Variants in CNTLN observed in about 807,000 individuals in gnomAD.
CNTLN encodes centlein, centrosomal protein.
Under a neutral mutation model 180.0 loss-of-function variants are expected in CNTLN, and 212 were observed. The ratio of observed to expected loss-of-function variants is 1.18; its 90% confidence interval spans 1.05 to 1.32. CNTLN has a LOEUF of 1.32. CNTLN is among the 40% of genes most tolerant of loss of function. The probability of loss-of-function intolerance (pLI) is 0.00; values close to 1 mark genes in which losing one functional copy is unlikely to be tolerated. For missense variants in CNTLN, 2,095 were observed against 1,610.9 expected (o/e 1.30, Z -5.14); for synonymous variants, 722 against 563.1 (o/e 1.28, Z -3.99).
At chr9:17,257,324 G>A (rs1421021517) in intron 5 of CNTLN, among the ~76,000 whole-genome samples, 1 of 152,126 alleles carries the variant, frequency 6.6e-6, no homozygotes, top group Non-Finnish European at 1.5e-5. Context: ...TTTTAAGGCT[G>A]CATAGTATTC....
Position 17,330,819 on chromosome 9 carries a change from T to G in CNTLN, c.1518+11T>G. On this transcript the variant is annotated intron_variant, in intron 9 of 25. Coordinates refer to ENST00000380647, the MANE Select transcript of CNTLN (RefSeq NM_017738.4). ...GAAGGAAAACATAAGGTAGGGACAT[T>G]TTGTCATTTTGTGAATTTGCCAGGA... 6.3e-7 allele frequency: 1 copy of G among 1,586,930 alleles called. No homozygotes were observed. Among genetic ancestry groups the G allele is most frequent in the Non-Finnish European group, 8.5e-7 (1 of 1,169,964 alleles).
chr9:17,321,876 C>T (rs1563992530), intron 8 of CNTLN, among the ~76,000 whole-genome samples: 1 of 151,966 alleles, frequency 6.6e-6, no homozygotes, highest in South Asian at 2.1e-4. Flanking sequence ...GAATATCAAT[C>T]TTATACTTTC....
At chr9:17,385,713 A>G (rs922206756) in intron 13 of CNTLN, among the ~76,000 whole-genome samples, 4 of 152,200 alleles carry the variant, frequency 2.6e-5, no homozygotes, top group Admixed American at 2.0e-4. Flanking sequence ...TTATCTTGTT[A>G]TTCCCTAAAC....
intron 12 of CNTLN, among the ~76,000 whole-genome samples, chr9:17,354,494 A>G (rs973633635): frequency 1.3e-5 from 2 of 152,100 alleles, no homozygotes; most frequent in African/African-American, 4.8e-5. Context: ...AGGTTTGTAA[A>G]CACACCACTC....
chr9:17,204,142 C>A (rs1044636401), intron 2 of CNTLN, among the ~76,000 whole-genome samples: 2 of 152,198 alleles, frequency 1.3e-5, no homozygotes, highest in African/African-American at 4.8e-5. Context: ...CTATTACCCA[C>A]CTTCTGAAGC....
At chr9:17,244,367 A>G (rs1243279313) in intron 5 of CNTLN, among the ~76,000 whole-genome samples, 1 of 151,744 alleles carries the variant, frequency 6.6e-6, no homozygotes, top group Non-Finnish European at 1.5e-5. Context: ...ATATACCACT[A>G]TATCTGGCTA....
chr9:17,370,218 C>T (rs1336639689), intron 13 of CNTLN, among the ~76,000 whole-genome samples: 1 of 152,050 alleles, frequency 6.6e-6, no homozygotes, highest in East Asian at 1.9e-4. Flanking sequence ...TTGTAGAACA[C>T]CAAGCAGGTT....
chr9:17,209,880 T>G (rs7862706), intron 2 of CNTLN, among the ~76,000 whole-genome samples: 44,816 of 151,976 alleles, frequency 0.29, 7,802 homozygotes, highest in East Asian at 0.61. Context: ...GGGAAAATAC[T>G]ATGATTTTAC....
chr9:17,490,712 G>A (rs143503137), intron 25 of CNTLN, among the ~76,000 whole-genome samples: 95 of 152,038 alleles, frequency 6.2e-4, no homozygotes, highest in African/African-American at 2.1e-3. Context: ...TTAAAATGGT[G>A]AGTTTTGCTA....
chr9:17,330,600 A>G (rs745855993), intron 8 of CNTLN, 32 bp from the exon 9 acceptor site: 1 of 1,156,198 alleles, frequency 8.6e-7, no homozygotes, highest in Admixed American at 2.4e-5. Context: ...ACAAACATAG[A>G]TATCTATTTA....
At chr9:17,223,781 ATT>A (rs1430817669) in intron 2 of CNTLN, among the ~76,000 whole-genome samples, 2 of 151,958 alleles carry the variant, frequency 1.3e-5, no homozygotes. Context: ...TTGCCTTCCC[ATT>A]TCACTTCAGA....
rs939723495 is a variant in CNTLN at position 17,390,887 on chromosome 9, A to C, written c.2079+2634A>C. Among the ~76,000 whole-genome samples the C allele has an allele frequency of 6.6e-5, 10 of 152,178 alleles. 1 individual carries two copies. In the South Asian group the frequency reaches 1.2e-3, roughly 19 times the overall value. On this transcript the variant is annotated intron_variant, in intron 14 of 25. Coordinates refer to ENST00000380647, the MANE Select transcript of CNTLN (RefSeq NM_017738.4). ...AACATACATTCATATTAGGAAGTTAACAGACCTTAAAACCACAGACATCTT... is the reference window on the plus strand; with the variant it reads ...AACATACATTCATATTAGGAAGTTACCAGACCTTAAAACCACAGACATCTT...
the CNTLN span, among the ~76,000 whole-genome samples, chr9:17,514,831 T>C: frequency 1.2e-4 from 19 of 152,320 alleles, no homozygotes; most frequent in African/African-American, 4.6e-4. Flanking sequence ...TTAACTATTA[T>C]AGTTAGCTCC....
intron 15 of CNTLN, among the ~76,000 whole-genome samples, chr9:17,397,258 G>A (rs896907538): frequency 6.6e-6 from 1 of 152,200 alleles, no homozygotes; most frequent in Non-Finnish European, 1.5e-5. Context: ...TTTGAGGCAA[G>A]TCCATAGAGT....
chr9:17,215,863 A>G (rs1307223031), intron 2 of CNTLN, among the ~76,000 whole-genome samples: 1 of 152,132 alleles, frequency 6.6e-6, no homozygotes, highest in East Asian at 1.9e-4. Flanking sequence ...GGCGCGGGGT[A>G]TAATCTCCTG....
chr9:17,389,092 A>G (rs1825904109), intron 14 of CNTLN, among the ~76,000 whole-genome samples: 1 of 152,184 alleles, frequency 6.6e-6, no homozygotes, highest in East Asian at 1.9e-4. Flanking sequence ...AGTAACTTAT[A>G]TATTGTTGCA....
At chr9:17,225,953 T>C (rs940621731) in intron 2 of CNTLN, among the ~76,000 whole-genome samples, 11 of 152,022 alleles carry the variant, frequency 7.2e-5, no homozygotes, top group Admixed American at 1.3e-4. Flanking sequence ...GACAGTATGG[T>C]TATTGCAATC....
intron 2 of CNTLN, among the ~76,000 whole-genome samples, chr9:17,149,208 A>G (rs1282592976): frequency 1.3e-5 from 2 of 152,182 alleles, no homozygotes; most frequent in Non-Finnish European, 2.9e-5. Context: ...TTCTTTATCC[A>G]GTCTATCATT....
intron 19 of CNTLN, 114 bp downstream of exon 19, chr9:17,457,829 C>CA (rs540677956): frequency 6.1e-6 from 4 of 654,926 alleles, no homozygotes; most frequent in South Asian, 7.6e-5. Context: ...ATAGATAATC[C>CA]AAAAAATTAT....
Sources: allele counts gnomAD v4.1 joint callset (sites outside exome capture counted in the v4.1 genomes callset), GRCh38; gene constraint gnomAD v4.1.1; transcripts MANE v1.5; gene names NCBI Gene and HGNC (gene_info 2026-07-23, HGNC 2026-07-21).